EDA2R: variants seen among roughly 807,000 people sequenced by gnomAD.
The protein encoded by EDA2R is tumor necrosis factor receptor superfamily member 27.
Under a neutral mutation model 20.1 loss-of-function variants are expected in EDA2R, and 26 were observed. The observed-to-expected ratio is 1.30, with a 90% confidence interval of 0.95 to 1.80. The LOEUF (loss-of-function observed/expected upper bound fraction) is 1.80. EDA2R is among the 40% of genes most tolerant of loss of function. EDA2R has a pLI of 0.00. For missense variants in EDA2R, 277 were observed against 228.7 expected (o/e 1.21, Z -1.36); for synonymous variants, 114 against 88.7 (o/e 1.29, Z -1.60).
chrX:66,609,864 A>G (rs2147725454), intron 2 of EDA2R, among the ~76,000 whole-genome samples: 1 of 112,039 alleles, frequency 8.9e-6, no homozygotes, highest in South Asian at 3.7e-4. Context: ...ATAAAATTTG[A>G]TACATTCCTC....
intron 2 of EDA2R, among the ~76,000 whole-genome samples, chrX:66,609,101 C>A (rs1268723056): frequency 9.0e-6 from 1 of 111,664 alleles, no homozygotes; most frequent in Non-Finnish European, 1.9e-5. Flanking sequence ...GGTATGTGAA[C>A]TGTATTTTAA....
In EDA2R at chrX:66,599,776, T is replaced by C. The variant is rs766939798; in HGVS notation, c.602A>G (p.Glu201Gly). Reference protein sequence around the residue: ...PVPPSKETSAESQVSENIFQT... With the variant: ...PVPPSKETSAGSQVSENIFQT... Reference sequence around the variant, plus strand: ...AAAGATGTTCTCACTCACTTGGGACTCAGCACTGGTCTCCTTGCTGGGTGG... The same window carrying C: ...AAAGATGTTCTCACTCACTTGGGACCCAGCACTGGTCTCCTTGCTGGGTGG... Residue 201 changes from glutamate to glycine, a missense_variant, in exon 6 of 7, where the codon GAG becomes GGG. By Grantham distance (98) the Glu-to-Gly change is moderately conservative. Coordinates refer to ENST00000374719, the MANE Select transcript of EDA2R (RefSeq NM_021783.5). The C allele has an allele frequency of 1.5e-5, 18 of 1,209,823 alleles. No individual in the cohort carries two copies. The Admixed American group carries it at 3.5e-4, about 23-fold the overall frequency.
chrX:66,620,183 T>C (rs961727783), intron 1 of EDA2R, among the ~76,000 whole-genome samples: 4 of 112,367 alleles, frequency 3.6e-5, no homozygotes, highest in Non-Finnish European at 7.5e-5. Context: ...GCAACATTTG[T>C]TAATTACTAT....
chrX:66,599,606 C>A lies in EDA2R; in HGVS notation c.772G>T (p.Asp258Tyr), dbSNP rs745633198. 1 of 1,202,694 alleles carries A rather than the reference C, an allele frequency of 8.3e-7. No individual in the cohort carries two copies. Among genetic ancestry groups the A allele is most frequent in the Admixed American group, 2.2e-5 (1 of 45,014 alleles). The part of the protein sequence containing the change: ...VHSPIECTEL[D>Y]LQKFSSSASY... ...GCAGAGCTGGAAAACTTTTGCAGGT[C>A]CAGCTCTGTGCATTCGATGGGGCTG... is the stretch of plus-strand genomic sequence containing the variant. The change falls in exon 6 of 7, where the codon GAC becomes TAC. Residue 258 changes from aspartate (D) to tyrosine (Y), a missense_variant. Coordinates refer to ENST00000374719, the MANE Select transcript of EDA2R (RefSeq NM_021783.5).
intron 2 of EDA2R, among the ~76,000 whole-genome samples, chrX:66,609,690 G>C (rs1235405159): frequency 8.9e-6 from 1 of 111,768 alleles, no homozygotes; most frequent in Admixed American, 9.5e-5. Context: ...CATTGGGCCT[G>C]AATTTTCTTG....
chrX:66,632,893 A>G (rs1177174842), intron 1 of EDA2R, among the ~76,000 whole-genome samples: 1 of 112,190 alleles, frequency 8.9e-6, no homozygotes, highest in Non-Finnish European at 1.9e-5. Flanking sequence ...AAGAATTTTA[A>G]CTGTTAGTGA....
rs1437173540 is a variant in EDA2R at position 66,596,772 on chromosome X, A to C, written c.*1332T>G. 2.7e-5 allele frequency: 3 copies of C among 112,286 alleles called. No homozygotes were observed. The highest frequency in any genetic ancestry group is 5.6e-4 in the East Asian group (2 of 3,593). The allele number at this position is 112,286 out of a possible 1,213,427, so 9.3% of individuals were successfully genotyped here. Reference sequence around the variant, plus strand: ...AAACAAAAACAAAAACAAAAAAAAAACAGGAAACCTAAAGGCCAAGGCCTA... The same window carrying C: ...AAACAAAAACAAAAACAAAAAAAAACCAGGAAACCTAAAGGCCAAGGCCTA... On this transcript the variant is annotated 3_prime_UTR_variant, in exon 7 of 7. Coordinates refer to ENST00000374719, the MANE Select transcript of EDA2R (RefSeq NM_021783.5).
At position 66,599,658 on chromosome X, in the gene EDA2R, G is replaced by A; in HGVS notation, c.720C>T (p.Thr240=). The A allele has an allele frequency of 1.7e-6, 2 of 1,207,700 alleles. No homozygotes were observed. The highest frequency in any genetic ancestry group is 2.2e-6 in the Non-Finnish European group (2 of 893,769). ...TQESFTMASC[T]SESHSHWVHS... ...GGACCCAGTGGGAGTGGCTCTCTGA[G>A]GTGCAGGAGGCCATGGTAAAGGACT... is the stretch of plus-strand genomic sequence containing the variant. Residue 240 remains threonine (T), a synonymous_variant, in exon 6 of 7, where the codon ACC becomes ACT. Coordinates refer to ENST00000374719, the MANE Select transcript of EDA2R (RefSeq NM_021783.5).
intron 1 of EDA2R, among the ~76,000 whole-genome samples, chrX:66,636,425 C>T (rs768183668): frequency 9.0e-6 from 1 of 110,571 alleles, no homozygotes; most frequent in African/African-American, 3.3e-5. Context: ...GGGATCTGAT[C>T]TCTGGTCTTC....
At chrX:66,604,864 G>A (rs1929364351) in intron 3 of EDA2R, among the ~76,000 whole-genome samples, 184 bp downstream of exon 3, 1 of 112,269 alleles carries the variant, frequency 8.9e-6, no homozygotes, top group Non-Finnish European at 1.9e-5. Context: ...ATCTGTGACT[G>A]ACAATGTGCT....
At chrX:66,611,193 C>T (rs1930676219) in intron 2 of EDA2R, among the ~76,000 whole-genome samples, 1 of 111,459 alleles carries the variant, frequency 9.0e-6, no homozygotes, top group South Asian at 3.8e-4. Context: ...AAACGTAGGC[C>T]AAAACCTGTA....
At chrX:66,607,069 G>A (rs1254466972) in intron 2 of EDA2R, among the ~76,000 whole-genome samples, 1 of 111,905 alleles carries the variant, frequency 8.9e-6, no homozygotes, top group Non-Finnish European at 1.9e-5. Flanking sequence ...ACATTCAAAA[G>A]TATCCACATG....
chrX:66,601,381 A>G (rs1034211414), intron 5 of EDA2R, among the ~76,000 whole-genome samples: 5 of 112,064 alleles, frequency 4.5e-5, no homozygotes, highest in Non-Finnish European at 9.4e-5. Context: ...CTTGAGTCAC[A>G]GTGTCCCAGG....
chrX:66,609,734 T>A (rs1413599672), intron 2 of EDA2R, among the ~76,000 whole-genome samples: 1 of 112,051 alleles, frequency 8.9e-6, no homozygotes, highest in Non-Finnish European at 1.9e-5. Flanking sequence ...ATCCAACTTA[T>A]AGATTTGTTA....
chrX:66,599,367 C>T, intron 6 of EDA2R, 107 bp downstream of exon 6: 1 of 916,286 alleles, frequency 1.1e-6, no homozygotes. Context: ...GCTGCTGTTC[C>T]TCCACTCCTA....
intron 1 of EDA2R, among the ~76,000 whole-genome samples, chrX:66,632,075 C>G (rs887537072): frequency 1.8e-5 from 2 of 111,555 alleles, no homozygotes; most frequent in African/African-American, 6.5e-5. Flanking sequence ...ATAAAAACCT[C>G]TGGGGTTGGA....
chrX:66,599,818 T>C lies in EDA2R; in HGVS notation c.560A>G (p.Glu187Gly). 1 of 1,208,085 alleles carries C rather than the reference T, an allele frequency of 8.3e-7. No individual in the cohort carries two copies. The highest frequency in any genetic ancestry group is 1.1e-6 in the Non-Finnish European group (1 of 893,983). ...GCTGGGTGGCACGGGGAAGAGAGAT[T>C]CCTCCTTTGCTGTTTTATCAGCCTC... ...QFEADKTAKE[E>G]SLFPVPPSKE... The change falls in exon 6 of 7, where the codon GAA becomes GGA. Residue 187 changes from glutamate (E) to glycine (G), a missense_variant. Glu to Gly is a moderately conservative substitution (Grantham distance 98). Coordinates refer to ENST00000374719, the MANE Select transcript of EDA2R (RefSeq NM_021783.5).
chrX:66,599,551 C>T lies in EDA2R; in HGVS notation c.827G>A (p.Gly276Glu), dbSNP rs1405035417. Residue 276 changes from glycine (G) to glutamate (E), a missense_variant, in exon 6 of 7, where the codon GGA becomes GAA. By Grantham distance (98) the Gly-to-Glu change is moderately conservative (BLOSUM62 -2). Transcript: ENST00000374719. ...GTCTCCAGTGCTTTCGACTGTGTTT[C>T]CCCCCAAGGTCTCAGCTCCAGTATA... Reference protein sequence around the residue: ...ASYTGAETLGGNTVESTGDRL... With the variant: ...ASYTGAETLGENTVESTGDRL... 4.2e-6 allele frequency: 5 copies of T among 1,188,072 alleles called. No individual in the cohort carries two copies. In the South Asian group the frequency reaches 9.3e-5, roughly 22 times the overall value.
chrX:66,625,860 G>C (rs936105327), intron 1 of EDA2R, among the ~76,000 whole-genome samples: 3 of 111,925 alleles, frequency 2.7e-5, no homozygotes, highest in Non-Finnish European at 5.6e-5. Flanking sequence ...ACAACCCCCA[G>C]TACCAGCCCA....
Sources: gnomAD v4.1 joint callset for allele counts (sites outside exome capture counted in the v4.1 genomes callset) on GRCh38, gnomAD v4.1.1 for gene constraint, MANE v1.5 for transcripts, NCBI Gene and HGNC (gene_info 2026-07-23, HGNC 2026-07-21) for gene names.